Variants in SPMIP2 observed in about 807,000 individuals in gnomAD.
SPMIP2 encodes sperm microtubule inner protein 2.
chr4:159,064,920 C>A, the SPMIP2 span, among the ~76,000 whole-genome samples: 68,897 of 151,900 alleles, frequency 0.45, 16,009 homozygotes, highest in East Asian at 0.6. Flanking sequence ...TATCTCTCAA[C>A]TCATATTAAT....
the SPMIP2 span, among the ~76,000 whole-genome samples, chr4:159,077,558 T>A: frequency 5.3e-5 from 8 of 152,214 alleles, no homozygotes; most frequent in African/African-American, 1.9e-4. Context: ...TATAAATTAC[T>A]CTCATTATTT....
chr4:159,062,645 A>T, the SPMIP2 span, among the ~76,000 whole-genome samples: 89 of 146,134 alleles, frequency 6.1e-4, 1 homozygote, highest in Non-Finnish European at 2.4e-4. Context: ...TACAATGTTG[A>T]TCTGTTTGCC....
the SPMIP2 span, among the ~76,000 whole-genome samples, chr4:158,900,430 G>A: frequency 6.6e-6 from 1 of 152,174 alleles, no homozygotes; most frequent in Non-Finnish European, 1.5e-5. Context: ...AATATTGACA[G>A]TGGGGTGTTA....
At chr4:158,960,710 CACTTT>C in the SPMIP2 span, among the ~76,000 whole-genome samples, 1 of 152,042 alleles carries the variant, frequency 6.6e-6, no homozygotes, top group Non-Finnish European at 1.5e-5. Flanking sequence ...TACCTCTTTT[CACTTT>C]ACTTTCTCCT....
At chr4:158,984,506 A>G in the SPMIP2 span, among the ~76,000 whole-genome samples, 1 of 151,762 alleles carries the variant, frequency 6.6e-6, no homozygotes, top group Non-Finnish European at 1.5e-5. Flanking sequence ...CTACATGGAA[A>G]CTGAACAACC....
chr4:159,034,123 C>T, the SPMIP2 span, among the ~76,000 whole-genome samples: 1 of 151,832 alleles, frequency 6.6e-6, no homozygotes, highest in South Asian at 2.1e-4. Context: ...GGCAACAGGG[C>T]GAGACTCTGT....
At chr4:158,996,125 G>A in the SPMIP2 span, among the ~76,000 whole-genome samples, 3 of 152,130 alleles carry the variant, frequency 2.0e-5, no homozygotes, top group Non-Finnish European at 4.4e-5. Flanking sequence ...AGTAATATTT[G>A]CTGAAAGAAG....
chr4:158,943,190 T>C, the SPMIP2 span, among the ~76,000 whole-genome samples: 6 of 152,222 alleles, frequency 3.9e-5, no homozygotes, highest in Admixed American at 2.0e-4. Context: ...TATTTTATTC[T>C]GTGTTTTAAT....
chr4:158,971,294 G>C, the SPMIP2 span, among the ~76,000 whole-genome samples: 994 of 152,214 alleles, frequency 6.5e-3, 8 homozygotes, highest in Middle Eastern at 0.048. Context: ...TTGCTTTGGG[G>C]CTGGACTTTT....
the SPMIP2 span, chr4:159,007,225 T>C: frequency 1.2e-4 from 167 of 1,377,824 alleles, no homozygotes; most frequent in African/African-American, 2.1e-3. Context: ...CTACAGATTC[T>C]TGCCACAGAA....
At chr4:159,018,212 T>G in the SPMIP2 span, among the ~76,000 whole-genome samples, 1,768 of 152,318 alleles carry the variant, frequency 0.012, 18 homozygotes, top group Non-Finnish European at 0.019. Context: ...GCTGCCTCAC[T>G]GCAACAGAGG....
At chr4:158,991,225 G>A in the SPMIP2 span, among the ~76,000 whole-genome samples, 3 of 151,524 alleles carry the variant, frequency 2.0e-5, no homozygotes, top group Admixed American at 6.6e-5. Flanking sequence ...ACGTGTATGG[G>A]CAGACTGGGG....
the SPMIP2 span, among the ~76,000 whole-genome samples, chr4:158,944,529 C>T: frequency 6.7e-6 from 1 of 149,912 alleles, no homozygotes; most frequent in African/African-American, 2.4e-5. Context: ...TTTTCAAATA[C>T]AACCTAAAAA....
At chr4:158,963,773 G>C in the SPMIP2 span, among the ~76,000 whole-genome samples, 7 of 152,296 alleles carry the variant, frequency 4.6e-5, no homozygotes, top group African/African-American at 1.7e-4. Context: ...AATCAGGAGA[G>C]CTCTTAAAAA....
chr4:158,984,519 C>G, the SPMIP2 span, among the ~76,000 whole-genome samples: 1 of 151,614 alleles, frequency 6.6e-6, no homozygotes, highest in Non-Finnish European at 1.5e-5. Flanking sequence ...GAACAACCTG[C>G]TCCTGAATGA....
chr4:158,916,998 C>T, the SPMIP2 span, among the ~76,000 whole-genome samples: 1 of 151,944 alleles, frequency 6.6e-6, no homozygotes, highest in African/African-American at 2.4e-5. Context: ...TGCCTGTAAT[C>T]CCAGCACTTT....
the SPMIP2 span, among the ~76,000 whole-genome samples, chr4:158,946,317 C>T: frequency 6.6e-6 from 1 of 152,194 alleles, no homozygotes; most frequent in African/African-American, 2.4e-5. Context: ...TGTTTGCTCT[C>T]AGTGCTGCAT....
At chr4:158,919,631 TG>T in the SPMIP2 span, among the ~76,000 whole-genome samples, 1 of 152,264 alleles carries the variant, frequency 6.6e-6, no homozygotes, top group Non-Finnish European at 1.5e-5. Context: ...TAGTACTTTT[TG>T]GAAAAGTACT....
the SPMIP2 span, among the ~76,000 whole-genome samples, chr4:158,977,946 T>C: frequency 7.9e-5 from 12 of 152,154 alleles, no homozygotes; most frequent in Non-Finnish European, 1.8e-4. Context: ...CTTAGTTATT[T>C]CTTGTCTTCT....
Sources: allele counts gnomAD v4.1 joint callset (sites outside exome capture counted in the v4.1 genomes callset), GRCh38; gene constraint gnomAD v4.1.1; transcripts MANE v1.5; gene names NCBI Gene and HGNC (gene_info 2026-07-23, HGNC 2026-07-21).